The following PLTP variants were observed in gnomAD, a reference collection of about 807,000 sequenced individuals.
PLTP encodes phospholipid transfer protein.
A neutral mutation model predicts 54.1 loss-of-function variants in PLTP; 43 were observed. That is an observed-to-expected ratio of 0.79 (90% CI 0.62 to 1.02). The LOEUF is 1.02. PLTP is among the 50% of genes least tolerant of loss of function. The pLI is 0.00. For missense variants in PLTP, 604 were observed against 645.9 expected, an observed-to-expected ratio of 0.94 and a Z score of 0.70; for synonymous variants, 263 against 264.6, an observed-to-expected ratio of 0.99 and a Z score of 0.06.
intron 1 of PLTP, chr20:45,911,665 G>C (rs1162709432): frequency 1.2e-5 from 8 of 677,202 alleles, no homozygotes; most frequent in African/African-American, 3.6e-5. Flanking sequence ...CTGGCTCCCA[G>C]AGGATTTGGG....
chr20:45,911,346 G>T lies in PLTP; in HGVS notation c.100+7C>A. On this transcript the variant is annotated splice_region_variant and intron_variant, in intron 2 of 15. Transcript: ENST00000372431. ...CCCGTCCGTCCCTGTCTGCCCCTGC[G>T]CCTTACCCAGCTCCAGCGCCTTGGA... 6.2e-7 allele frequency: 1 copy of T among 1,613,320 alleles called. No individual in the cohort carries two copies. The highest frequency in any genetic ancestry group is 8.5e-7 in the Non-Finnish European group (1 of 1,180,002).
At chr20:45,906,611 C>G (rs555453143) in intron 7 of PLTP, among the ~76,000 whole-genome samples, 2 of 151,900 alleles carry the variant, frequency 1.3e-5, no homozygotes. Context: ...ATGGGGGGGC[C>G]GCGCATGGTG....
chr20:45,909,904 A>AC, intron 4 of PLTP, 38 bp downstream of exon 4: 1 of 1,612,754 alleles, frequency 6.2e-7, no homozygotes, highest in Non-Finnish European at 8.5e-7. Flanking sequence ...AGCCCTCCTG[A>AC]CCCACTCTCC....
In PLTP at chr20:45,899,829, C is replaced by T; in HGVS notation, c.1218+7G>A. On this transcript the variant is annotated splice_region_variant and intron_variant, in intron 13 of 15. Coordinates refer to ENST00000372431, the MANE Select transcript of PLTP (RefSeq NM_006227.4). The stretch of plus-strand genomic sequence containing the variant: ...CCAGCCCAGCCCACCCACCCTTCCC[C>T]ACTCACAGCCAGCGACTCCAGTGCA... 1 of 1,539,386 alleles carries T rather than the reference C, an allele frequency of 6.5e-7. No individual in the cohort carries two copies. The highest frequency in any genetic ancestry group is 8.8e-7 in the Non-Finnish European group (1 of 1,137,086).
intron 1 of PLTP, chr20:45,911,680 G>T: frequency 1.6e-6 from 1 of 637,326 alleles, no homozygotes; most frequent in Non-Finnish European, 2.7e-6. Flanking sequence ...TTTGGGACAC[G>T]GGGGAGGGGA....
At position 45,909,926 on chromosome 20, in the gene PLTP, G is replaced by A. The variant is rs770057468; in HGVS notation, c.329+16C>T. 4 of 1,613,876 alleles carry A rather than the reference G, an allele frequency of 2.5e-6. No individual in the cohort carries two copies. Among genetic ancestry groups the A allele is most frequent in the African/African-American group, 2.7e-5 (2 of 75,030 alleles). On this transcript the variant is annotated intron_variant, in intron 4 of 15. Transcript: ENST00000372431. ...CTGACCCACTCTCCACTCCCCTGAG[G>A]GTGCTGGGTCCTTACAAGAACCAGT...
rs1245728139 is a variant in PLTP at position 45,898,785 on chromosome 20, G to A, written c.*156C>T. 1.1e-6 allele frequency: 1 copy of A among 885,686 alleles called. No homozygotes were observed. The highest frequency in any genetic ancestry group is 1.7e-5 in the African/African-American group (1 of 59,618). 54.9% of individuals were successfully genotyped at this position (885,686 alleles called of 1,614,324 possible). On this transcript the variant is annotated 3_prime_UTR_variant, in exon 16 of 16. Coordinates refer to ENST00000372431, the MANE Select transcript of PLTP (RefSeq NM_006227.4). This position sits in a 1 kb window ranked among gnomAD's most constrained non-coding sequence, Gnocchi z 4.6. The stretch of plus-strand genomic sequence containing the variant: ...GGTGGTGGACGGACTGTAATTGATA[G>A]ATTGATTATGGAATTAAATTGGGTA...
chr20:45,902,210 G>T, intron 12 of PLTP, 57 bp downstream of exon 12: 1 of 1,560,462 alleles, frequency 6.4e-7, no homozygotes, highest in Non-Finnish European at 8.8e-7. Context: ...CAACATCCCT[G>T]TGGACAGGTG....
chr20:45,909,627 A>G lies in PLTP; in HGVS notation c.374T>C (p.Ile125Thr), dbSNP rs749894853. The change falls in exon 5 of 16, where the codon ATC (isoleucine) becomes ACC (threonine). Residue 125 changes from isoleucine to threonine, a missense_variant. Coordinates refer to ENST00000372431, the MANE Select transcript of PLTP (RefSeq NM_006227.4). ...YINASAEGVS[I>T]RTGLELSRDP... ...CCGGGAGAGCTCCAGACCAGTGCGG[A>G]TGGACACACCCTCAGCTGAGGCGTT... The G allele has an allele frequency of 6.2e-7, 1 of 1,614,148 alleles. No individual in the cohort carries two copies. The highest frequency in any genetic ancestry group is 1.1e-5 in the South Asian group (1 of 91,080).
intron 12 of PLTP, 97 bp downstream of exon 12, chr20:45,902,170 T>G (rs1222207590): frequency 1.6e-6 from 2 of 1,287,324 alleles, no homozygotes; most frequent in Non-Finnish European, 2.2e-6. Context: ...CAGCTCTCAG[T>G]GGCTTACAGG....
At chr20:45,908,653 G>A (rs1302840519) in intron 5 of PLTP, among the ~76,000 whole-genome samples, 2 of 151,880 alleles carry the variant, frequency 1.3e-5, no homozygotes, top group African/African-American at 4.8e-5. Context: ...TACAAAAAAA[G>A]TAGTTGGGCA....
chr20:45,900,150 C>T (rs1433995944), intron 12 of PLTP, among the ~76,000 whole-genome samples: 2 of 145,122 alleles, frequency 1.4e-5, no homozygotes, highest in East Asian at 4.0e-4. Context: ...GCTGTGTCGC[C>T]CACGCTGGAG....
intron 3 of PLTP, chr20:45,910,753 A>T: frequency 1.2e-6 from 1 of 834,166 alleles, no homozygotes; most frequent in African/African-American, 1.8e-5. Flanking sequence ...TCAATTCCTT[A>T]TTCCCCCTCC....
intron 7 of PLTP, 71 bp from the exon 8 acceptor site, chr20:45,906,430 G>C (rs753183935): frequency 7.1e-6 from 8 of 1,119,176 alleles, no homozygotes; most frequent in Non-Finnish European, 1.1e-5. Context: ...TCCAGGCTCA[G>C]AGGCCCACCC....
intron 11 of PLTP, 35 bp from the exon 12 acceptor site, chr20:45,902,369 CAGAAGGTCAGTA>C: frequency 6.2e-7 from 1 of 1,612,858 alleles, no homozygotes; most frequent in Non-Finnish European, 8.5e-7. Flanking sequence ...GTTACTGACC[CAGAAGGTCAGTA>C]ACCCACAGCC....
In PLTP at chr20:45,911,381, G is replaced by A. The variant is rs1186367908; in HGVS notation, c.72C>T (p.Ile24=). ...GAHAEFPGCK[I]RVTSKALELV... ...GCTCCAGCGCCTTGGAGGTGACGCGGATCTTGCAGCCTGGGAACTCTGCAT... is the reference window on the plus strand; with the variant it reads ...GCTCCAGCGCCTTGGAGGTGACGCGAATCTTGCAGCCTGGGAACTCTGCAT... Residue 24 remains isoleucine (I), a synonymous_variant, in exon 2 of 16, where the codon ATC becomes ATT. Coordinates refer to ENST00000372431, the MANE Select transcript of PLTP (RefSeq NM_006227.4). The A allele has an allele frequency of 6.2e-7, 1 of 1,611,822 alleles. No homozygotes were observed. The highest frequency in any genetic ancestry group is 1.3e-5 in the African/African-American group (1 of 75,064).
At position 45,911,334 on chromosome 20, in the gene PLTP, G is replaced by C; in HGVS notation, c.100+19C>G. On this transcript the variant is annotated intron_variant, in intron 2 of 15. Coordinates refer to ENST00000372431, the MANE Select transcript of PLTP (RefSeq NM_006227.4). ...ACCCCGTCCGCTCCCGTCCGTCCCT[G>C]TCTGCCCCTGCGCCTTACCCAGCTC... 6.2e-7 allele frequency: 1 copy of C among 1,613,714 alleles called. No homozygotes were observed. Among genetic ancestry groups the C allele is most frequent in the Non-Finnish European group, 8.5e-7 (1 of 1,180,004 alleles).
Position 45,907,686 on chromosome 20 carries a change from A to T in PLTP, c.613+6T>A. On this transcript the variant is annotated splice_donor_region_variant and intron_variant, in intron 7 of 15. Coordinates refer to ENST00000372431, the MANE Select transcript of PLTP (RefSeq NM_006227.4). ...GCACACCCAGACTCACCCGCCACCA[A>T]CTCACCAGGCACGGTGTCCAGGAGG... 5 of 1,613,306 alleles carry T rather than the reference A, an allele frequency of 3.1e-6. No individual in the cohort carries two copies. The highest frequency in any genetic ancestry group is 3.4e-6 in the Non-Finnish European group (4 of 1,179,748).
In PLTP at chr20:45,902,604, T is replaced by C; in HGVS notation, c.943A>G (p.Ser315Gly). Reference protein sequence around the residue: ...ATYFGSIVLLSPAVIDSPLKL... With the variant: ...ATYFGSIVLLGPAVIDSPLKL... The stretch of plus-strand genomic sequence containing the variant: ...AATGGGGAGTCAATCACTGCTGGGC[T>C]CTGGGGGATGAGCAGCAGGGGCGGG... The change falls in exon 11 of 16, where the codon AGC becomes GGC. Residue 315 changes from serine to glycine, a missense_variant and splice_region_variant. By Grantham distance (56) the Ser-to-Gly change is moderately conservative. Transcript: ENST00000372431. The C allele has an allele frequency of 6.2e-7, 1 of 1,603,434 alleles. No homozygotes were observed. Among genetic ancestry groups the C allele is most frequent in the Non-Finnish European group, 8.5e-7 (1 of 1,173,998 alleles).
Sources: gnomAD v4.1 joint callset for allele counts (sites outside exome capture counted in the v4.1 genomes callset) on GRCh38, gnomAD v4.1.1 for gene constraint, Gnocchi (gnomAD v3.1) non-coding constraint, MANE v1.5 for transcripts, NCBI Gene and HGNC (gene_info 2026-07-23, HGNC 2026-07-21) for gene names.